CEP89: variants seen among roughly 807,000 people sequenced by gnomAD.
The protein encoded by CEP89 is centrosomal protein 89, also known as centrosomal protein of 89 kDa.
In CEP89, 95 loss-of-function variants were observed where a neutral mutation model predicts 97.6. The ratio of observed to expected loss-of-function variants is 0.97; its 90% CI spans 0.82 to 1.15. The LOEUF (loss-of-function observed/expected upper bound fraction) is 1.15. CEP89 is among the 50% of genes most tolerant of loss of function. The pLI is 0.00. For synonymous variants in CEP89, 354 were observed against 349.1 expected (o/e 1.01, Z -0.16); for missense variants, 869 against 947.7 (o/e 0.92, Z 1.09).
At chr19:32,927,453 A>C (rs1480469920) in intron 9 of CEP89, among the ~76,000 whole-genome samples, 1 of 152,120 alleles carries the variant, frequency 6.6e-6, no homozygotes, top group Non-Finnish European at 1.5e-5. Flanking sequence ...CCCCATAGGC[A>C]GTGTGCCTAG....
chr19:32,894,382 G>A (rs1484168926), intron 16 of CEP89, among the ~76,000 whole-genome samples: 1 of 152,086 alleles, frequency 6.6e-6, no homozygotes, highest in Non-Finnish European at 1.5e-5. Flanking sequence ...CAACTACCAG[G>A]TGGTTACACG....
At chr19:32,908,490 G>T (rs1416859316) in intron 14 of CEP89, among the ~76,000 whole-genome samples, 2 of 152,212 alleles carry the variant, frequency 1.3e-5, no homozygotes, top group Admixed American at 6.5e-5. Context: ...TTTGGAGAGA[G>T]AATTTATAAC....
chr19:32,894,942 C>T (rs1044048468), intron 16 of CEP89, among the ~76,000 whole-genome samples: 1 of 152,136 alleles, frequency 6.6e-6, no homozygotes, highest in Non-Finnish European at 1.5e-5. Flanking sequence ...AAATAGAAAA[C>T]TTGAACAGAC....
chr19:32,942,149 A>C (rs865818083), intron 5 of CEP89, among the ~76,000 whole-genome samples: 4 of 152,322 alleles, frequency 2.6e-5, no homozygotes, highest in Admixed American at 1.3e-4. Flanking sequence ...TGGGAGGCCG[A>C]GGCAGGTAGA....
chr19:32,948,422 T>C, intron 4 of CEP89, 54 bp from the exon 5 acceptor site: 3 of 1,073,078 alleles, frequency 2.8e-6, no homozygotes, highest in Non-Finnish European at 2.8e-6. Flanking sequence ...AACCTTTATA[T>C]ACAGCATGTC....
At chr19:32,929,628 C>A (rs938952098) in intron 9 of CEP89, among the ~76,000 whole-genome samples, 2 of 151,174 alleles carry the variant, frequency 1.3e-5, no homozygotes, top group African/African-American at 4.9e-5. Flanking sequence ...AGAGAGAGAT[C>A]AATCACTTCT....
At chr19:32,917,344 G>A (rs1475567185) in intron 13 of CEP89, among the ~76,000 whole-genome samples, 3 of 152,164 alleles carry the variant, frequency 2.0e-5, no homozygotes, top group Non-Finnish European at 4.4e-5. Context: ...GTGCATCTCT[G>A]GGAGATGCTC....
intron 17 of CEP89, among the ~76,000 whole-genome samples, chr19:32,882,945 G>A (rs1375458108): frequency 6.6e-6 from 1 of 151,876 alleles, no homozygotes; most frequent in African/African-American, 2.4e-5. Context: ...TGCAAGCTCC[G>A]CCTCCCGGGT....
chr19:32,953,751 T>C lies in CEP89; in HGVS notation c.356A>G (p.Glu119Gly). The C allele has an allele frequency of 6.2e-7, 1 of 1,614,150 alleles. No individual in the cohort carries two copies. Among genetic ancestry groups the C allele is most frequent in the East Asian group, 2.2e-5 (1 of 44,870 alleles). Residue 119 changes from glutamate (E) to glycine (G), a missense_variant, in exon 4 of 19, where the codon GAA (glutamate) becomes GGA (glycine). By Grantham distance (98) the Glu-to-Gly change is moderately conservative. Transcript: ENST00000305768. The stretch of plus-strand genomic sequence containing the variant: ...CTCTTCGTCCCCATAGTCCAGTGTT[T>C]CAAAGGATGGCAAAGAAGATCTTCT... The part of the protein sequence containing the change: ...MGRRSSLPSF[E>G]TLDYGDEEDI...
rs1415604928 is a variant in CEP89, at chr19:32,936,280, C to T, written c.667+1351G>A. On this transcript the variant is annotated intron_variant, in intron 7 of 18. Transcript: ENST00000305768. The surrounding 1 kb of genome is among the most constrained non-coding windows in gnomAD (Gnocchi z 4.5). ...CAGTACTGACACGACAGCGCCCTGC[C>T]GCCTCAGCCCCCTCCAGACTTTGGG... Among the ~76,000 whole-genome samples the T allele has an allele frequency of 1.3e-5, 2 of 152,154 alleles. No homozygotes were observed. The highest frequency in any genetic ancestry group is 2.4e-5 in the African/African-American group (1 of 41,432).
At chr19:32,893,082 A>G (rs1382746727) in intron 16 of CEP89, among the ~76,000 whole-genome samples, 2 of 151,444 alleles carry the variant, frequency 1.3e-5, no homozygotes, top group African/African-American at 4.9e-5. Context: ...CACTTAAAAG[A>G]TACAGACTGG....
intron 12 of CEP89, among the ~76,000 whole-genome samples, chr19:32,922,249 G>A (rs1329437644): frequency 2.6e-5 from 4 of 152,114 alleles, no homozygotes; most frequent in Non-Finnish European, 5.9e-5. Context: ...CATCAGAACC[G>A]GAGACAAAGG....
rs1268308501 is a variant in CEP89 at position 32,953,803 on chromosome 19, T to C, written c.306-2A>G. 6 of 1,605,676 alleles carry C rather than the reference T, an allele frequency of 3.7e-6. No homozygotes were observed. Among genetic ancestry groups the C allele is most frequent in the Non-Finnish European group, 5.1e-6 (6 of 1,173,446 alleles). On this transcript the variant is annotated splice_acceptor_variant, in intron 3 of 18. Transcript: ENST00000305768. LOFTEE classifies it high-confidence loss of function. ...CCCATCTCACTCTGCCAATTTGGCC[T>C]GTATTAGAATATTCATGGGGAAAAC...
At chr19:32,952,994 G>C (rs1970957748) in intron 4 of CEP89, among the ~76,000 whole-genome samples, 1 of 151,084 alleles carries the variant, frequency 6.6e-6, no homozygotes, top group South Asian at 2.1e-4. Flanking sequence ...GCTATATTTT[G>C]CCATTAAAGA....
At position 32,877,754 on chromosome 19, in the gene CEP89, C is replaced by G. The variant is rs1248960973; in HGVS notation, c.*1408G>C. The G allele has an allele frequency of 1.3e-5, 2 of 151,998 alleles. No homozygotes were observed. The highest frequency in any genetic ancestry group is 4.8e-5 in the African/African-American group (2 of 41,320). The allele number at this position is 151,998 out of a possible 1,614,324, so 9.4% of individuals were successfully genotyped here. A position where few individuals can be genotyped will look rare whatever the true frequency, so the allele number is the denominator to read the frequency against. On this transcript the variant is annotated 3_prime_UTR_variant, in exon 19 of 19. Transcript: ENST00000305768. ...ACCAGCTTGGGCAACATAGCAAGAC[C>G]CCATCTCTACCAAAAAAAAAATTTT... is the stretch of plus-strand genomic sequence containing the variant.
rs1291355289 is a variant in CEP89, at chr19:32,918,324, A to C, written c.1284T>G (p.Thr428=). 6 of 1,613,784 alleles carry C rather than the reference A, an allele frequency of 3.7e-6. No individual in the cohort carries two copies. Among genetic ancestry groups the C allele is most frequent in the Non-Finnish European group, 5.1e-6 (6 of 1,179,792 alleles). Residue 428 remains threonine (T), a synonymous_variant, in exon 13 of 19, where the codon ACT becomes ACG. Coordinates refer to ENST00000305768, the MANE Select transcript of CEP89 (RefSeq NM_032816.5). ...VTSEEWRQLQ[T]QAKLVLEENK... ...TTTCCTCTAAAACCAGTTTTGCTTG[A>C]GTCTGAAGCTGACGCCTGCAATTGA...
chr19:32,931,919 C>T (rs556035342), intron 8 of CEP89, among the ~76,000 whole-genome samples: 18 of 152,296 alleles, frequency 1.2e-4, no homozygotes, highest in African/African-American at 3.6e-4. Context: ...CGGTGGCTCA[C>T]GCCTGTAATC....
Position 32,953,183 on chromosome 19 carries a change from C to T in CEP89, c.492+432G>A, listed in dbSNP as rs574972960. On this transcript the variant is annotated intron_variant, in intron 4 of 18. Coordinates refer to ENST00000305768, the MANE Select transcript of CEP89 (RefSeq NM_032816.5). Reference sequence around the variant, plus strand: ...GTGGGGGTCAGCTAAGATAAATGCACACAGGAGTTAGAAACGGGAGCGCTC... The same window carrying T: ...GTGGGGGTCAGCTAAGATAAATGCATACAGGAGTTAGAAACGGGAGCGCTC... Among the ~76,000 whole-genome samples, 4 of 150,852 alleles carry T rather than the reference C, an allele frequency of 2.7e-5. No homozygotes were observed. In the South Asian group the frequency reaches 6.5e-4, roughly 25 times the overall value.
intron 15 of CEP89, among the ~76,000 whole-genome samples, chr19:32,900,605 T>C (rs909326496): frequency 2.6e-5 from 4 of 152,080 alleles, no homozygotes; most frequent in African/African-American, 9.7e-5. Flanking sequence ...TTCTGGCTTA[T>C]GTTCTAAAAG....
Sources: allele counts gnomAD v4.1 joint callset (sites outside exome capture counted in the v4.1 genomes callset), GRCh38; gene constraint gnomAD v4.1.1; non-coding constraint Gnocchi (gnomAD v3.1); transcripts MANE v1.5; gene names NCBI Gene and HGNC (gene_info 2026-07-23, HGNC 2026-07-21).